The following GPC6 variants were observed in gnomAD, a reference collection of about 807,000 sequenced individuals.
The protein encoded by GPC6 is glypican-6.
A neutral mutation model predicts 55.2 loss-of-function variants in GPC6; 14 were observed. The ratio of observed to expected loss-of-function variants is 0.25; its 90% CI spans 0.17 to 0.40. The LOEUF (loss-of-function observed/expected upper bound fraction) is 0.40. GPC6 is among the 10% of genes least tolerant of loss of function. The pLI is 1.00. For synonymous variants in GPC6, 278 were observed against 259.6 expected, an observed-to-expected ratio of 1.07 and a Z score of -0.68; for missense variants, 641 against 708.5, an observed-to-expected ratio of 0.90 and a Z score of 1.08.
intron 4 of GPC6, among the ~76,000 whole-genome samples, chr13:94,156,783 A>T (rs1024835215): frequency 3.9e-5 from 6 of 152,164 alleles, no homozygotes; most frequent in African/African-American, 1.2e-4. Flanking sequence ...AACAGACATA[A>T]AATATACATA....
chr13:94,373,947 T>G lies in GPC6; in HGVS notation c.1153-8467T>G, dbSNP rs1879711624. On this transcript the variant is annotated intron_variant, in intron 6 of 8. Transcript: ENST00000377047. ...ACAAAAGAATTTTCAACCCAGAATTTCATATCCAGCCAAACTAAGCTTCAT... is the reference window on the plus strand; with the variant it reads ...ACAAAAGAATTTTCAACCCAGAATTGCATATCCAGCCAAACTAAGCTTCAT... Among the ~76,000 whole-genome samples, 4 of 152,098 alleles carry G rather than the reference T, an allele frequency of 2.6e-5. No individual in the cohort carries two copies. The South Asian group carries it at 6.2e-4, about 24-fold the overall frequency.
At chr13:94,152,584 G>A (rs1178828712) in intron 4 of GPC6, among the ~76,000 whole-genome samples, 2 of 151,914 alleles carry the variant, frequency 1.3e-5, no homozygotes, top group Non-Finnish European at 1.5e-5. Context: ...AGTTAAGTGA[G>A]ATAAAGTATC....
At chr13:93,899,948 A>T (rs1405962618) in intron 3 of GPC6, among the ~76,000 whole-genome samples, 1 of 152,192 alleles carries the variant, frequency 6.6e-6, no homozygotes, top group Non-Finnish European at 1.5e-5. Context: ...AAAATAATAC[A>T]TTAGATAATT....
intron 2 of GPC6, among the ~76,000 whole-genome samples, chr13:93,744,936 C>G (rs1321912529): frequency 6.9e-6 from 1 of 144,280 alleles, no homozygotes; most frequent in Admixed American, 6.9e-5. Flanking sequence ...GACTCTGTCT[C>G]AAAAAAAAAA....
At chr13:93,780,594 TACAC>T (rs35134947) in intron 2 of GPC6, among the ~76,000 whole-genome samples, 3,187 of 143,748 alleles carry the variant, frequency 0.022, 30 homozygotes, top group Admixed American at 0.028. Context: ...ATCACAAAAA[TACAC>T]ACACACACAC....
At chr13:94,053,455 T>C (rs1435742851) in intron 4 of GPC6, among the ~76,000 whole-genome samples, 1 of 152,176 alleles carries the variant, frequency 6.6e-6, no homozygotes, top group African/African-American at 2.4e-5. Flanking sequence ...TAAAATTATA[T>C]TTTAAAATTT....
chr13:94,298,790 A>T lies in GPC6; in HGVS notation c.1009-7190A>T, dbSNP rs78281472. ...AGCAAATAATTTGTTTTACATGGAT[A>T]CATGATTCATTCCTTCAGTCTGAGG... On this transcript the variant is annotated intron_variant, in intron 5 of 8. Coordinates refer to ENST00000377047, the MANE Select transcript of GPC6 (RefSeq NM_005708.5). Among the ~76,000 whole-genome samples, 40 of 152,358 alleles carry T rather than the reference A, an allele frequency of 2.6e-4. No individual in the cohort carries two copies. In the East Asian group the frequency reaches 7.5e-3, roughly 29 times the overall value.
At chr13:94,164,796 G>T (rs547709249) in intron 4 of GPC6, among the ~76,000 whole-genome samples, 3 of 151,922 alleles carry the variant, frequency 2.0e-5, no homozygotes, top group Non-Finnish European at 4.4e-5. Flanking sequence ...AAAATAAATT[G>T]ATTTTTTTTT....
At chr13:93,244,938 A>AAC (rs1876551597) in intron 1 of GPC6, among the ~76,000 whole-genome samples, 1 of 152,098 alleles carries the variant, frequency 6.6e-6, no homozygotes, top group Admixed American at 6.5e-5. Flanking sequence ...CAAAAAAAAA[A>AAC]CTTCATAATC....
intron 1 of GPC6, among the ~76,000 whole-genome samples, chr13:93,526,764 GA>G (rs1881660639): frequency 6.6e-6 from 1 of 152,084 alleles, no homozygotes; most frequent in South Asian, 2.1e-4. Flanking sequence ...GTCTTACTTT[GA>G]AAGAGCCAAT....
At chr13:93,714,312 G>T (rs569531433) in intron 2 of GPC6, among the ~76,000 whole-genome samples, 2 of 151,792 alleles carry the variant, frequency 1.3e-5, no homozygotes, top group South Asian at 4.2e-4. Context: ...GACATAATCA[G>T]CCAACAAACC....
Position 94,407,674 on chromosome 13 carries a change from G to T in GPC6, c.*4457G>T, listed in dbSNP as rs563087017. Among the ~76,000 whole-genome samples, 13 of 152,252 alleles carry T rather than the reference G, an allele frequency of 8.5e-5. No individual in the cohort carries two copies. The highest frequency in any genetic ancestry group is 1.6e-4 in the Non-Finnish European group (11 of 67,994). On this transcript the variant is annotated 3_prime_UTR_variant, in exon 9 of 9. Transcript: ENST00000377047. ...TTTCTTCTCAGAGGATAAATTTAGT[G>T]ACTTGAAAACTGATGTCAATACTTT...
At chr13:93,749,507 A>G (rs1349393942) in intron 2 of GPC6, among the ~76,000 whole-genome samples, 1 of 152,038 alleles carries the variant, frequency 6.6e-6, no homozygotes, top group Non-Finnish European at 1.5e-5. Flanking sequence ...GTCTTTTACA[A>G]CACAATCTAC....
At chr13:94,383,296 C>T (rs955128016) in intron 7 of GPC6, among the ~76,000 whole-genome samples, 3 of 152,012 alleles carry the variant, frequency 2.0e-5, no homozygotes, top group African/African-American at 4.8e-5. Flanking sequence ...GGGTTGCAAG[C>T]GGGTAAAGTA....
intron 1 of GPC6, among the ~76,000 whole-genome samples, chr13:93,508,503 G>A (rs1397054028): frequency 6.6e-6 from 1 of 152,142 alleles, no homozygotes; most frequent in Non-Finnish European, 1.5e-5. Flanking sequence ...AATCATCTTG[G>A]GCCACAAAGG....
intron 2 of GPC6, among the ~76,000 whole-genome samples, chr13:93,796,770 A>G (rs1039237376): frequency 1.3e-5 from 2 of 152,160 alleles, no homozygotes; most frequent in East Asian, 1.9e-4. Context: ...GAGGAATAAA[A>G]CAACACGTAT....
intron 1 of GPC6, among the ~76,000 whole-genome samples, chr13:93,301,704 G>A (rs535885868): frequency 1.3e-5 from 2 of 152,068 alleles, no homozygotes; most frequent in African/African-American, 2.4e-5. Context: ...TTATAGCTTG[G>A]GGGTAACTGG....
At chr13:93,834,613 T>G (rs991397824) in intron 3 of GPC6, among the ~76,000 whole-genome samples, 3 of 152,270 alleles carry the variant, frequency 2.0e-5, no homozygotes, top group Middle Eastern at 3.4e-3. Context: ...TGTGCAAGCA[T>G]GTATACATGA....
intron 1 of GPC6, among the ~76,000 whole-genome samples, chr13:93,339,083 C>T (rs1594105254): frequency 1.3e-5 from 2 of 152,262 alleles, no homozygotes; most frequent in Admixed American, 1.3e-4. Context: ...TTGGAAATAG[C>T]CCATTACACT....
Sources: gnomAD v4.1 joint callset for allele counts (sites outside exome capture counted in the v4.1 genomes callset) on GRCh38, gnomAD v4.1.1 for gene constraint, MANE v1.5 for transcripts, NCBI Gene and HGNC (gene_info 2026-07-23, HGNC 2026-07-21) for gene names.